APOLD1: variants seen among roughly 807,000 people sequenced by gnomAD.
APOLD1 encodes the protein apolipoprotein L domain-containing protein 1.
A neutral mutation model predicts 15.3 loss-of-function variants in APOLD1; 22 were observed. The observed-to-expected ratio is 1.44, with a 90% CI of 1.03 to 2.05. The LOEUF is 2.05. APOLD1 is among the 30% of genes most tolerant of loss of function. The probability of loss-of-function intolerance (pLI) is 0.00; values close to 1 mark genes in which losing one functional copy is unlikely to be tolerated. For synonymous variants in APOLD1, 190 were observed against 167.4 expected, an observed-to-expected ratio of 1.13 and a Z score of -1.04; for missense variants, 394 against 353.5, an observed-to-expected ratio of 1.11 and a Z score of -0.92.
chr12:12,755,070 G>C (rs1386967916), intron 1 of APOLD1, among the ~76,000 whole-genome samples: 1 of 151,826 alleles, frequency 6.6e-6, no homozygotes, highest in Non-Finnish European at 1.5e-5. Flanking sequence ...TGAAGTTATT[G>C]TTATTAAAAC....
intron 1 of APOLD1, among the ~76,000 whole-genome samples, chr12:12,727,963 T>C (rs1270405925): frequency 6.6e-6 from 1 of 151,750 alleles, no homozygotes; most frequent in African/African-American, 2.4e-5. Flanking sequence ...CTTTAATTAA[T>C]TAATTAATTA....
chr12:12,733,092 T>C (rs111554852), intron 1 of APOLD1, among the ~76,000 whole-genome samples: 8 of 150,756 alleles, frequency 5.3e-5, no homozygotes, highest in African/African-American at 1.2e-4. Flanking sequence ...GAGAGGCAGA[T>C]GGATAAAGCC....
In APOLD1 at chr12:12,788,455, C is replaced by T. The variant is rs1484470987; in HGVS notation, c.*803C>T. 1 of 152,226 alleles carries T rather than the reference C, an allele frequency of 6.6e-6. No homozygotes were observed. Among genetic ancestry groups the T allele is most frequent in the Non-Finnish European group, 1.5e-5 (1 of 68,072 alleles). 9.4% of individuals were successfully genotyped at this position (152,226 alleles called of 1,614,324 possible). A position where few individuals can be genotyped will look rare whatever the true frequency, so the allele number is the denominator to read the frequency against. On this transcript the variant is annotated 3_prime_UTR_variant, in exon 2 of 2. Coordinates refer to ENST00000356591, the MANE Select transcript of APOLD1 (RefSeq NM_030817.3). ...TAGACAGTCCTGGGCTTGAGACAGG[C>T]TTTGTCACTACTGTGTGAGTGTAGC...
chr12:12,745,089 T>TA (rs1289007071), intron 1 of APOLD1, among the ~76,000 whole-genome samples: 2 of 152,264 alleles, frequency 1.3e-5, no homozygotes, highest in African/African-American at 2.4e-5. Context: ...CCTTCCTGTC[T>TA]AAAAAAAGTG....
chr12:12,733,281 C>T (rs985691790), intron 1 of APOLD1, among the ~76,000 whole-genome samples: 5 of 151,756 alleles, frequency 3.3e-5, no homozygotes, highest in African/African-American at 4.8e-5. Context: ...GCTGTGATCA[C>T]GCCACTGCAC....
intron 1 of APOLD1, among the ~76,000 whole-genome samples, chr12:12,765,649 T>C (rs989385819): frequency 3.3e-5 from 5 of 152,092 alleles, no homozygotes; most frequent in Admixed American, 6.5e-5. Context: ...GGTGGGAGGA[T>C]TGCTTGAGCC....
chr12:12,786,562 A>G (rs1947125912), intron 1 of APOLD1: 1 of 680,322 alleles, frequency 1.5e-6, no homozygotes, highest in East Asian at 1.4e-4. Flanking sequence ...AGGCCTCAGT[A>G]CTGGAGAAGC....
chr12:12,768,870 T>C (rs778589770), intron 1 of APOLD1, among the ~76,000 whole-genome samples: 29 of 151,912 alleles, frequency 1.9e-4, no homozygotes, highest in Non-Finnish European at 3.5e-4. Flanking sequence ...AAGTGCTACA[T>C]TTTCAGGGAA....
intron 1 of APOLD1, among the ~76,000 whole-genome samples, chr12:12,768,224 G>A (rs1476003096): frequency 2.0e-5 from 3 of 152,168 alleles, no homozygotes; most frequent in Admixed American, 2.0e-4. Flanking sequence ...ATAACTAGAT[G>A]TAAAAAATAG....
intron 1 of APOLD1, among the ~76,000 whole-genome samples, chr12:12,736,355 A>AC (rs60524458): frequency 0.2 from 26,563 of 130,738 alleles, 2,688 homozygotes; most frequent in Admixed American, 0.29. Context: ...CTGTCTCAAA[A>AC]AAAACAAAAC....
intron 1 of APOLD1, among the ~76,000 whole-genome samples, chr12:12,780,642 G>A (rs1217087825): frequency 6.7e-6 from 1 of 148,446 alleles, no homozygotes; most frequent in African/African-American, 2.5e-5. Flanking sequence ...AGGCTGGAGT[G>A]CAGTGGAGCA....
intron 1 of APOLD1, among the ~76,000 whole-genome samples, chr12:12,751,587 A>G (rs1257092192): frequency 5.3e-5 from 8 of 151,416 alleles, no homozygotes. Flanking sequence ...CTGGCCTCGA[A>G]TGATCCACCC....
chr12:12,786,110 G>T (rs1355148511), intron 1 of APOLD1, among the ~76,000 whole-genome samples: 1 of 152,142 alleles, frequency 6.6e-6, no homozygotes, highest in Non-Finnish European at 1.5e-5. Context: ...CGTGGTAGAA[G>T]TTGTTGAACA....
At chr12:12,744,010 A>G (rs181662833) in intron 1 of APOLD1, among the ~76,000 whole-genome samples, 105 of 152,296 alleles carry the variant, frequency 6.9e-4, no homozygotes, top group African/African-American at 2.5e-3. Context: ...AGCACACAGT[A>G]CTGCAAGATA....
upstream of APOLD1, among the ~76,000 whole-genome samples, chr12:12,781,889 CT>C (rs1405450216): frequency 6.6e-6 from 1 of 151,914 alleles, no homozygotes; most frequent in Non-Finnish European, 1.5e-5. Flanking sequence ...TTGTTGATAA[CT>C]GTATAAACAC....
At chr12:12,785,120 C>T (rs1235735654), upstream of APOLD1, among the ~76,000 whole-genome samples, 1 of 152,184 alleles carries the variant, frequency 6.6e-6, no homozygotes, top group Non-Finnish European at 1.5e-5. Context: ...GTGGGTGTGG[C>T]CTTGCATTCT....
At chr12:12,728,528 G>A (rs1194619623) in intron 1 of APOLD1, among the ~76,000 whole-genome samples, 1 of 151,744 alleles carries the variant, frequency 6.6e-6, no homozygotes, top group Non-Finnish European at 1.5e-5. Flanking sequence ...ATTTAACCAG[G>A]TGTGGTGGTG....
At chr12:12,727,431 C>T (rs1041315240) in intron 1 of APOLD1, among the ~76,000 whole-genome samples, 1 of 151,994 alleles carries the variant, frequency 6.6e-6, no homozygotes, top group African/African-American at 2.4e-5. Context: ...TTCTATTGGA[C>T]ATTACTGTTC....
At chr12:12,760,440 C>G (rs186891829) in intron 1 of APOLD1, among the ~76,000 whole-genome samples, 1 of 152,156 alleles carries the variant, frequency 6.6e-6, no homozygotes, top group African/African-American at 2.4e-5. Flanking sequence ...GAGTTCGAGA[C>G]CAGCCTGCCC....
Sources: allele counts gnomAD v4.1 joint callset (sites outside exome capture counted in the v4.1 genomes callset), GRCh38; gene constraint gnomAD v4.1.1; transcripts MANE v1.5; gene names NCBI Gene and HGNC (gene_info 2026-07-23, HGNC 2026-07-21).